The following BHLHE41 variants were observed in gnomAD, a reference collection of about 807,000 sequenced individuals.
The protein encoded by BHLHE41 is basic helix-loop-helix family member e41.
BHLHE41 carries 14 observed loss-of-function variants against 24.0 expected under a neutral mutation model. The ratio of observed to expected loss-of-function variants is 0.58; its 90% CI spans 0.39 to 0.91. The LOEUF (loss-of-function observed/expected upper bound fraction) is 0.91. BHLHE41 is among the 40% of genes least tolerant of loss of function. The pLI, the probability that BHLHE41 is intolerant of heterozygous loss-of-function variation, is 0.00. For missense variants in BHLHE41, 674 were observed against 655.4 expected (o/e 1.03, Z -0.31); for synonymous variants, 394 against 315.5 (o/e 1.25, Z -2.64).
Position 26,124,937 on chromosome 12 carries a change from TCCC to T in BHLHE41, c.-161_-159del. 1 of 751,574 alleles carries T rather than the reference TCCC, an allele frequency of 1.3e-6. No individual in the cohort carries two copies. The allele number at this position is 751,574 out of a possible 1,614,324, so 46.6% of individuals were successfully genotyped here. On this transcript the variant is annotated 5_prime_UTR_variant, in exon 1 of 5. Transcript: ENST00000242728. ...AGTGTTGAAAGTGTGAAGCAGTTGG[TCCC>T]CCCCCTCCACCGCGCTCGCACACAC...
rs1471037791 is a variant in BHLHE41, at chr12:26,121,825, G to A, written c.*241C>T. The A allele has an allele frequency of 2.2e-6, 2 of 907,530 alleles. No individual in the cohort carries two copies. Among genetic ancestry groups the A allele is most frequent in the Non-Finnish European group, 3.1e-6 (2 of 643,220 alleles). 56.2% of individuals were successfully genotyped at this position (907,530 alleles called of 1,614,324 possible). On this transcript the variant is annotated 3_prime_UTR_variant, in exon 5 of 5. Coordinates refer to ENST00000242728, the MANE Select transcript of BHLHE41 (RefSeq NM_030762.3). ...TCGCATAGGATCTTTTACAGCTGGT[G>A]GGGGGAAGAAAGGGATGTTAGTGTG... is the stretch of plus-strand genomic sequence containing the variant.
chr12:26,121,781 A>C lies in BHLHE41; in HGVS notation c.*285T>G. 1.7e-6 allele frequency: 1 copy of C among 583,892 alleles called. No homozygotes were observed. The highest frequency in any genetic ancestry group is 3.8e-5 in the Admixed American group (1 of 26,216). The allele number at this position is 583,892 out of a possible 1,614,324, so 36.2% of individuals were successfully genotyped here. On this transcript the variant is annotated 3_prime_UTR_variant, in exon 5 of 5. Coordinates refer to ENST00000242728, the MANE Select transcript of BHLHE41 (RefSeq NM_030762.3). ...GGGCAAAATTTATTTGGGGGATTAA[A>C]AAAAAGAGCCAGTGTCTTTCGCATA...
rs756068658 is a variant in BHLHE41, at chr12:26,124,061, G to C, written c.234+11C>G. 17 of 1,547,840 alleles carry C rather than the reference G, an allele frequency of 1.1e-5. No individual in the cohort carries two copies. The highest frequency in any genetic ancestry group is 1.4e-5 in the Non-Finnish European group (16 of 1,119,702). Reference sequence around the variant, plus strand: ...TTGGAGAGCAGCAAAGAATGAAAATGTGCATCTTACTGTCAATTTCAGATG... The same window carrying C: ...TTGGAGAGCAGCAAAGAATGAAAATCTGCATCTTACTGTCAATTTCAGATG... On this transcript the variant is annotated intron_variant, in intron 3 of 4. Coordinates refer to ENST00000242728, the MANE Select transcript of BHLHE41 (RefSeq NM_030762.3).
At position 26,122,609 on chromosome 12, in the gene BHLHE41, G is replaced by T. The variant is rs1223212763; in HGVS notation, c.906C>A (p.Ala302=). ...GPGGGAAAAA[A]ALLGPDPAAA... is the part of the protein sequence containing the mutation. ...CGGCAGGGTCGGGCCCCAGAAGCGC[G>T]GCTGCCGCCGCCGCCGCGCCGCCCC... Residue 302 remains alanine (A), a synonymous_variant, in exon 5 of 5, where the codon GCC becomes GCA. Coordinates refer to ENST00000242728, the MANE Select transcript of BHLHE41 (RefSeq NM_030762.3). 8.8e-7 allele frequency: 1 copy of T among 1,133,144 alleles called. No individual in the cohort carries two copies. 70.2% of individuals were successfully genotyped at this position (1,133,144 alleles called of 1,614,324 possible). A position where few individuals can be genotyped will look rare whatever the true frequency, so the allele number is the denominator to read the frequency against.
chr12:26,122,819 G>C lies in BHLHE41; in HGVS notation c.696C>G (p.Ala232=), dbSNP rs544974279. 3.8e-6 allele frequency: 6 copies of C among 1,588,792 alleles called. No homozygotes were observed. In the African/African-American group the frequency reaches 5.4e-5, roughly 14 times the overall value. Residue 232 remains alanine, a synonymous_variant, in exon 5 of 5, where the codon GCC becomes GCG. Transcript: ENST00000242728. ...QRTQPSAELA[A]ENDTDTDSGY... Reference sequence around the variant, plus strand: ...CGCTGTCGGTGTCCGTGTCGTTCTCGGCGGCGAGCTCGGCGCTGGGCTGAG... The same window carrying C: ...CGCTGTCGGTGTCCGTGTCGTTCTCCGCGGCGAGCTCGGCGCTGGGCTGAG...
At chr12:26,124,268 C>T (rs1413155936) in intron 2 of BHLHE41, 89 bp from the exon 3 acceptor site, 1 of 663,952 alleles carries the variant, frequency 1.5e-6, no homozygotes, top group African/African-American at 1.9e-5. Context: ...CCCCGCCCCC[C>T]CACCATAAAA....
chr12:26,124,869 T>A lies in BHLHE41; in HGVS notation c.-90A>T, dbSNP rs1416003940. 2 of 1,243,424 alleles carry A rather than the reference T, an allele frequency of 1.6e-6. No homozygotes were observed. Among genetic ancestry groups the A allele is most frequent in the East Asian group, 4.6e-5 (2 of 43,212 alleles). 77.0% of individuals were successfully genotyped at this position (1,243,424 alleles called of 1,614,324 possible). A position where few individuals can be genotyped will look rare whatever the true frequency, so the allele number is the denominator to read the frequency against. ...GTAGGCTTGGGAGACCTTGGGGGGA[T>A]CTGTGCGTCTCCAGTCTCTCTCTCG... On this transcript the variant is annotated 5_prime_UTR_variant, in exon 1 of 5. Transcript: ENST00000242728.
chr12:26,122,778 G>A lies in BHLHE41; in HGVS notation c.737C>T (p.Ala246Val), dbSNP rs1223355854. Reference sequence around the variant, plus strand: ...TTTCTCGCGGTCCGGCCGGGCCTCGGCTTCGCCGCCGTAGCCGCTGTCGGT... The same window carrying A: ...TTTCTCGCGGTCCGGCCGGGCCTCGACTTCGCCGCCGTAGCCGCTGTCGGT... ...TDTDSGYGGEAEARPDREKGK... is the reference protein window; with the variant it reads ...TDTDSGYGGEVEARPDREKGK... The change falls in exon 5 of 5, where the codon GCC becomes GTC. Residue 246 changes from alanine (A) to valine (V), a missense_variant. Ala to Val is a moderately conservative substitution (Grantham distance 64). Around this residue, in one of 3 missense-constraint regions of BHLHE41, gnomAD observed 602 missense variants for 570.8 expected, o/e 1.05. Coordinates refer to ENST00000242728, the MANE Select transcript of BHLHE41 (RefSeq NM_030762.3). The A allele has an allele frequency of 2.5e-6, 4 of 1,587,010 alleles. No homozygotes were observed. Among genetic ancestry groups the A allele is most frequent in the Non-Finnish European group, 3.4e-6 (4 of 1,173,248 alleles).
intron 2 of BHLHE41, 55 bp from the exon 3 acceptor site, chr12:26,124,234 T>C (rs1479290751): frequency 1.5e-5 from 17 of 1,171,550 alleles, no homozygotes; most frequent in Admixed American, 7.2e-5. Context: ...CATTCACTTA[T>C]TGGATATTAC....
rs914030973 is a variant in BHLHE41, at chr12:26,120,974, A to C, written c.*1092T>G. On this transcript the variant is annotated 3_prime_UTR_variant, in exon 5 of 5. Transcript: ENST00000242728. ...TATATCTTTACAGCATTTGCAATCA[A>C]AACTGGCCAGTTAAATGCTTTCGTT... The C allele has an allele frequency of 1.3e-5, 2 of 152,646 alleles. No homozygotes were observed. The highest frequency in any genetic ancestry group is 2.9e-5 in the Non-Finnish European group (2 of 68,040). 9.5% of individuals were successfully genotyped at this position (152,646 alleles called of 1,614,324 possible).
chr12:26,124,178 T>A lies in BHLHE41; in HGVS notation c.128A>T (p.Asp43Val). ...TAATCTGTGCGGTAATTTGTAGGTATCCTTAATATATGAGAGTCATGGAAA... is the reference window on the plus strand; with the variant it reads ...TAATCTGTGCGGTAATTTGTAGGTAACCTTAATATATGAGAGTCATGGAAA... The part of the protein sequence containing the change: ...KRSMKRDDTK[D>V]TYKLPHRLIE... The change falls in exon 3 of 5, where the codon GAT (aspartate) becomes GTT (valine). Residue 43 changes from aspartate to valine, a missense_variant and splice_region_variant. Asp to Val is a radical substitution (Grantham distance 152). This residue lies in a region of BHLHE41 where 67 missense variants were observed against 62.4 expected (regional missense o/e 1.07). Coordinates refer to ENST00000242728, the MANE Select transcript of BHLHE41 (RefSeq NM_030762.3). 6.3e-7 allele frequency: 1 copy of A among 1,577,500 alleles called. No individual in the cohort carries two copies. Among genetic ancestry groups the A allele is most frequent in the Non-Finnish European group, 8.7e-7 (1 of 1,147,736 alleles).
In BHLHE41 at chr12:26,123,062, G is replaced by C; in HGVS notation, c.453C>G (p.Ser151Arg). 1 of 1,587,890 alleles carries C rather than the reference G, an allele frequency of 6.3e-7. No individual in the cohort carries two copies. Among genetic ancestry groups the C allele is most frequent in the African/African-American group, 1.3e-5 (1 of 74,582 alleles). The change falls in exon 5 of 5, where the codon AGC becomes AGG. Residue 151 changes from serine to arginine, a missense_variant. Physicochemically the swap from Ser to Arg is moderately radical, Grantham distance 110. Coordinates refer to ENST00000242728, the MANE Select transcript of BHLHE41 (RefSeq NM_030762.3). ...CACACCGCGGCTCCCTGGGTGTCCA[G>C]CTCTCAAACCGGGAGAGGTATTGCA... Reference protein sequence around the residue: ...EVLQYLSRFESWTPREPRCVQ... With the variant: ...EVLQYLSRFERWTPREPRCVQ...
chr12:26,124,134 CTCT>C lies in BHLHE41; in HGVS notation c.169_171del (p.Arg57del). On this transcript the variant is annotated inframe_deletion, in exon 3 of 5. Transcript: ENST00000242728. ...TGAGCAATGCATTCATTAATTCGGT[CTCT>C]TCTTTTCTTTTCTATTAATCTGTGC... 6.2e-7 allele frequency: 1 copy of C among 1,612,874 alleles called. No individual in the cohort carries two copies. Among genetic ancestry groups the C allele is most frequent in the Non-Finnish European group, 8.5e-7 (1 of 1,179,014 alleles).
rs976551535 is a variant in BHLHE41, at chr12:26,120,346, C to A, written c.*1720G>T. On this transcript the variant is annotated 3_prime_UTR_variant, in exon 5 of 5. Coordinates refer to ENST00000242728, the MANE Select transcript of BHLHE41 (RefSeq NM_030762.3). ...TTTAGGTAATAGAATTTATGGAGTGCTGAAAATACTAGAATATAAAGGTAA... is the reference window on the plus strand; with the variant it reads ...TTTAGGTAATAGAATTTATGGAGTGATGAAAATACTAGAATATAAAGGTAA... The A allele has an allele frequency of 2.0e-5, 3 of 152,568 alleles. No individual in the cohort carries two copies. The highest frequency in any genetic ancestry group is 7.2e-5 in the African/African-American group (3 of 41,434). The allele number at this position is 152,568 out of a possible 1,614,324, so 9.5% of individuals were successfully genotyped here.
chr12:26,123,514 A>G, intron 4 of BHLHE41, 116 bp downstream of exon 4: 1 of 818,500 alleles, frequency 1.2e-6, no homozygotes, highest in Non-Finnish European at 2.1e-6. Flanking sequence ...AACAAATGAG[A>G]GGGAACCCAT....
In BHLHE41 at chr12:26,122,960, A is replaced by G; in HGVS notation, c.555T>C (p.Pro185=). ...PTPQLLTQQV[P]LSKGTGAPSA... is the part of the protein sequence containing the mutation. ...AGGGAGCGCCGGTGCCTTTGCTCAG[A>G]GGGACCTGTTGAGTCAACAGCTGCG... The change falls in exon 5 of 5, where the codon CCT becomes CCC. Residue 185 remains proline, a synonymous_variant. Transcript: ENST00000242728. 6.4e-7 allele frequency: 1 copy of G among 1,559,794 alleles called. No individual in the cohort carries two copies. Among genetic ancestry groups the G allele is most frequent in the South Asian group, 1.2e-5 (1 of 84,690 alleles).
In BHLHE41 at chr12:26,120,820, A is replaced by G. The variant is rs1944297620; in HGVS notation, c.*1246T>C. On this transcript the variant is annotated 3_prime_UTR_variant, in exon 5 of 5. Coordinates refer to ENST00000242728, the MANE Select transcript of BHLHE41 (RefSeq NM_030762.3). The stretch of plus-strand genomic sequence containing the variant: ...CACAGTGCTACCTTGGCAACAAACT[A>G]AAAATATCTAGACAAGGTCTTGGTT... 6.6e-6 allele frequency: 1 copy of G among 152,658 alleles called. No individual in the cohort carries two copies. Among genetic ancestry groups the G allele is most frequent in the African/African-American group, 2.4e-5 (1 of 41,456 alleles). 9.5% of individuals were successfully genotyped at this position (152,658 alleles called of 1,614,324 possible).
Position 26,122,139 on chromosome 12 carries a change from C to T in BHLHE41, c.1376G>A (p.Gly459Glu). Residue 459 changes from glycine (G) to glutamate (E), a missense_variant, in exon 5 of 5, where the codon GGG becomes GAG. This residue lies in a region of BHLHE41 where 602 missense variants were observed against 570.8 expected (regional missense o/e 1.05). Coordinates refer to ENST00000242728, the MANE Select transcript of BHLHE41 (RefSeq NM_030762.3). Reference protein sequence around the residue: ...PHGRTHLPFAGPREPGNPESS... With the variant: ...PHGRTHLPFAEPREPGNPESS... ...CTCCGGGTTCCCCGGCTCGCGGGGCCCGGCGAAGGGCAGGTGGGTGCGGCC... is the reference window on the plus strand; with the variant it reads ...CTCCGGGTTCCCCGGCTCGCGGGGCTCGGCGAAGGGCAGGTGGGTGCGGCC... 1 of 1,548,726 alleles carries T rather than the reference C, an allele frequency of 6.5e-7. No individual in the cohort carries two copies. The highest frequency in any genetic ancestry group is 8.7e-7 in the Non-Finnish European group (1 of 1,146,254).
Position 26,124,593 on chromosome 12 carries a change from G to C in BHLHE41, c.63-11C>G. ...GAGGAATAGTCCAGTCTGCAAAACA[G>C]AAATCAGCATCAGGCACCCATTCGG... On this transcript the variant is annotated splice_polypyrimidine_tract_variant and intron_variant, in intron 1 of 4. Coordinates refer to ENST00000242728, the MANE Select transcript of BHLHE41 (RefSeq NM_030762.3). 6.2e-7 allele frequency: 1 copy of C among 1,614,162 alleles called. No individual in the cohort carries two copies. Among genetic ancestry groups the C allele is most frequent in the Non-Finnish European group, 8.5e-7 (1 of 1,180,010 alleles).
Sources: allele counts gnomAD v4.1 joint callset, GRCh38; gene constraint gnomAD v4.1.1; regional missense constraint gnomAD v4.1.1; transcripts MANE v1.5; gene names NCBI Gene and HGNC (gene_info 2026-07-23, HGNC 2026-07-21).